The following IMMP2L variants were observed in gnomAD, a reference collection of about 807,000 sequenced individuals.
The protein encoded by IMMP2L is inner mitochondrial membrane peptidase subunit 2, also known as mitochondrial inner membrane protease subunit 2.
In IMMP2L, 18 loss-of-function variants were observed where a neutral mutation model predicts 19.3. That is an observed-to-expected ratio of 0.93 (90% CI 0.64 to 1.38). The LOEUF (loss-of-function observed/expected upper bound fraction) is 1.38. IMMP2L is among the 40% of genes most tolerant of loss of function. The pLI is 0.00. For synonymous variants in IMMP2L, 76 were observed against 73.0 expected (o/e 1.04, Z -0.21); for missense variants, 233 against 218.2 (o/e 1.07, Z -0.43).
intron 5 of IMMP2L, among the ~76,000 whole-genome samples, chr7:110,680,400 C>T (rs1297428868): frequency 6.6e-6 from 1 of 152,080 alleles, no homozygotes; most frequent in Non-Finnish European, 1.5e-5. Context: ...AATGACACTT[C>T]GAGTGGTCAG....
At chr7:110,789,745 A>T (rs912915699) in intron 5 of IMMP2L, among the ~76,000 whole-genome samples, 1 of 151,572 alleles carries the variant, frequency 6.6e-6, no homozygotes, top group Non-Finnish European at 1.5e-5. Context: ...CCTGCCTGAC[A>T]TGTTACATCC....
At chr7:111,252,159 C>CA (rs1372131814) in intron 3 of IMMP2L, among the ~76,000 whole-genome samples, 1 of 151,352 alleles carries the variant, frequency 6.6e-6, no homozygotes, top group Non-Finnish European at 1.5e-5. Flanking sequence ...CCCTTCTTTT[C>CA]AAAGTTCACA....
chr7:111,163,195 C>G (rs180879026), intron 3 of IMMP2L, among the ~76,000 whole-genome samples: 1 of 152,048 alleles, frequency 6.6e-6, no homozygotes, highest in Non-Finnish European at 1.5e-5. Flanking sequence ...GGCCCAACTT[C>G]GAGTGGGCAC....
At chr7:111,347,483 T>C (rs552182144) in intron 3 of IMMP2L, among the ~76,000 whole-genome samples, 27 of 152,164 alleles carry the variant, frequency 1.8e-4, no homozygotes, top group African/African-American at 6.3e-4. Flanking sequence ...CCCTAACTCC[T>C]GACCTGACTA....
rs1233618458 is a variant in IMMP2L at position 110,870,058 on chromosome 7, T to C, written c.408+16535A>G. On this transcript the variant is annotated intron_variant, in intron 5 of 5. Coordinates refer to ENST00000405709, the MANE Select transcript of IMMP2L (RefSeq NM_032549.4). The surrounding 1 kb of genome is among the most constrained non-coding windows in gnomAD (Gnocchi z 4.2). ...CCTAGTTTCAGCCAGCCTGTTCAGC[T>C]GACCTATCACAAAAGCTCTGTGCTC... Among the ~76,000 whole-genome samples the C allele has an allele frequency of 6.6e-6, 1 of 152,168 alleles. No homozygotes were observed. Among genetic ancestry groups the C allele is most frequent in the Admixed American group, 6.6e-5 (1 of 15,254 alleles).
chr7:110,713,936 G>A (rs1219846354), intron 5 of IMMP2L, among the ~76,000 whole-genome samples: 3 of 152,060 alleles, frequency 2.0e-5, no homozygotes, highest in African/African-American at 4.8e-5. Context: ...TTTGCCTGAT[G>A]GCTCTGGCTA....
chr7:110,767,177 C>T (rs550765986), intron 5 of IMMP2L, among the ~76,000 whole-genome samples: 2 of 152,010 alleles, frequency 1.3e-5, no homozygotes, highest in African/African-American at 4.8e-5. Context: ...ATTGTTGTTG[C>T]TTATGAGTTG....
At chr7:110,864,635 T>C (rs1807802383) in intron 5 of IMMP2L, among the ~76,000 whole-genome samples, 2 of 152,114 alleles carry the variant, frequency 1.3e-5, no homozygotes, top group South Asian at 4.1e-4. Context: ...ATTTTTTCTT[T>C]TGAATTGTTT....
Position 111,020,514 on chromosome 7 carries a change from C to A in IMMP2L, c.240-56949G>T, listed in dbSNP as rs144785863. On this transcript the variant is annotated intron_variant, in intron 3 of 5. Coordinates refer to ENST00000405709, the MANE Select transcript of IMMP2L (RefSeq NM_032549.4). ...GGGTGGCTCACGCCTGTAATCCCAG[C>A]ACTTTGGGATGCTGAGACAGGTGGA... Among the ~76,000 whole-genome samples the A allele has an allele frequency of 1.6e-4, 24 of 152,334 alleles. No homozygotes were observed. In the East Asian group the frequency reaches 4.6e-3, roughly 29 times the overall value.
intron 5 of IMMP2L, among the ~76,000 whole-genome samples, chr7:110,816,944 T>C (rs1241161856): frequency 6.6e-6 from 1 of 152,174 alleles, no homozygotes; most frequent in Non-Finnish European, 1.5e-5. Flanking sequence ...CGTCTTTTAA[T>C]TGGAGCATTT....
intron 4 of IMMP2L, among the ~76,000 whole-genome samples, chr7:110,912,708 C>G (rs1813190631): frequency 6.6e-6 from 1 of 151,798 alleles, no homozygotes; most frequent in African/African-American, 2.4e-5. Context: ...AACAAGAAAG[C>G]AAACACAAAG....
intron 3 of IMMP2L, among the ~76,000 whole-genome samples, chr7:111,041,808 A>ATAG (rs2129571022): frequency 6.6e-6 from 1 of 152,272 alleles, no homozygotes; most frequent in East Asian, 1.9e-4. Flanking sequence ...TGTCCCGCAT[A>ATAG]TAGTACATAG....
At chr7:110,720,388 A>C (rs1465600888) in intron 5 of IMMP2L, among the ~76,000 whole-genome samples, 1 of 152,208 alleles carries the variant, frequency 6.6e-6, no homozygotes, top group Non-Finnish European at 1.5e-5. Context: ...AGGCTGTTGT[A>C]ACAATTAGCG....
intron 3 of IMMP2L, among the ~76,000 whole-genome samples, chr7:111,078,918 C>CG (rs1795642558): frequency 1.3e-5 from 2 of 151,852 alleles, no homozygotes; most frequent in African/African-American, 4.8e-5. Flanking sequence ...TTAGTAGAGA[C>CG]GGGGTTTCAC....
intron 5 of IMMP2L, among the ~76,000 whole-genome samples, chr7:110,820,960 T>C (rs554923385): frequency 7.9e-5 from 12 of 152,092 alleles, no homozygotes; most frequent in Non-Finnish European, 1.6e-4. Flanking sequence ...TAATGACAAA[T>C]GCTTATGATG....
At chr7:110,808,183 G>T (rs1326551592) in intron 5 of IMMP2L, among the ~76,000 whole-genome samples, 1 of 151,940 alleles carries the variant, frequency 6.6e-6, no homozygotes, top group East Asian at 1.9e-4. Context: ...AGCTATCTCA[G>T]GACATGGTAA....
intron 5 of IMMP2L, among the ~76,000 whole-genome samples, chr7:110,734,019 A>T (rs1796451962): frequency 6.6e-6 from 1 of 152,176 alleles, no homozygotes; most frequent in African/African-American, 2.4e-5. Context: ...GCATGAATAG[A>T]CTGAGACAAA....
intron 3 of IMMP2L, among the ~76,000 whole-genome samples, chr7:111,031,022 G>A (rs1196672338): frequency 6.6e-6 from 1 of 150,800 alleles, no homozygotes; most frequent in Admixed American, 6.6e-5. Flanking sequence ...GGTAAGCAAG[G>A]GAGAGTGATT....
At chr7:111,034,055 C>T (rs1791092334) in intron 3 of IMMP2L, among the ~76,000 whole-genome samples, 1 of 151,958 alleles carries the variant, frequency 6.6e-6, no homozygotes, top group African/African-American at 2.4e-5. Flanking sequence ...GACGTGAATG[C>T]TTTTTATGTT....
Sources: allele counts gnomAD v4.1 joint callset (sites outside exome capture counted in the v4.1 genomes callset), GRCh38; gene constraint gnomAD v4.1.1; non-coding constraint Gnocchi (gnomAD v3.1); transcripts MANE v1.5; gene names NCBI Gene and HGNC (gene_info 2026-07-23, HGNC 2026-07-21).